HDAC9: variants seen among roughly 807,000 people sequenced by gnomAD.
HDAC9 encodes the protein histone deacetylase 9, also known as MEF-2 interacting transcription repressor (MITR) protein.
In HDAC9, 41 loss-of-function variants were observed where a neutral mutation model predicts 139.4. The ratio of observed to expected loss-of-function variants is 0.29; its 90% CI spans 0.23 to 0.38. The LOEUF (loss-of-function observed/expected upper bound fraction) is 0.38. HDAC9 is among the 10% of genes least tolerant of loss of function. The pLI is 1.00. For synonymous variants in HDAC9, 517 were observed against 476.2 expected (o/e 1.09, Z -1.12); for missense variants, 1,147 against 1,297.0 (o/e 0.88, Z 1.78).
chr7:18,862,039 A>G (rs188686212), intron 21 of HDAC9, among the ~76,000 whole-genome samples: 2 of 152,324 alleles, frequency 1.3e-5, no homozygotes, highest in Admixed American at 6.5e-5. Context: ...TAGAGCTCCA[A>G]TCTCTTTAGA....
chr7:18,090,333 C>G (rs1455503690), intron 1 of HDAC9, among the ~76,000 whole-genome samples: 1 of 152,130 alleles, frequency 6.6e-6, no homozygotes, highest in African/African-American at 2.4e-5. Flanking sequence ...ATGTGCAGAT[C>G]AGATTTTAAA....
At chr7:18,223,824 A>AAGGG (rs997145909) in intron 2 of HDAC9, among the ~76,000 whole-genome samples, 68 of 152,214 alleles carry the variant, frequency 4.5e-4, no homozygotes, top group African/African-American at 1.5e-3. Flanking sequence ...TTTTATATCT[A>AAGGG]AGGGAAAGTC....
chr7:18,910,338 T>A (rs1308787637), intron 22 of HDAC9, among the ~76,000 whole-genome samples: 8 of 152,044 alleles, frequency 5.3e-5, no homozygotes, highest in Non-Finnish European at 1.0e-4. Context: ...CTTTCTTGAT[T>A]TCTTTTTCAG....
At chr7:18,092,414 A>ATTTTT (rs1562609736) in intron 1 of HDAC9, among the ~76,000 whole-genome samples, 1 of 147,756 alleles carries the variant, frequency 6.8e-6, no homozygotes, top group South Asian at 2.1e-4. Flanking sequence ...TTTTTTTTTA[A>ATTTTT]AAAAAAGAAC....
chr7:18,741,462 C>T (rs912975666), intron 13 of HDAC9, among the ~76,000 whole-genome samples: 56 of 152,110 alleles, frequency 3.7e-4, no homozygotes, highest in African/African-American at 1.2e-3. Flanking sequence ...GGATTTTAAG[C>T]TCAATTTTTA....
At chr7:18,758,065 G>A (rs1219169404) in intron 14 of HDAC9, among the ~76,000 whole-genome samples, 5 of 152,076 alleles carry the variant, frequency 3.3e-5, no homozygotes, top group African/African-American at 1.2e-4. Context: ...ACGTCACAGG[G>A]AACGATAAGG....
At chr7:18,284,362 C>T (rs1797300548) in intron 2 of HDAC9, among the ~76,000 whole-genome samples, 1 of 152,120 alleles carries the variant, frequency 6.6e-6, no homozygotes, top group Non-Finnish European at 1.5e-5. Flanking sequence ...ACTTCTGTTT[C>T]ACAGGTTCAG....
intron 2 of HDAC9, among the ~76,000 whole-genome samples, chr7:18,536,613 A>G (rs1810999874): frequency 6.6e-6 from 1 of 152,192 alleles, no homozygotes; most frequent in Admixed American, 6.5e-5. Flanking sequence ...TAGCTAATAC[A>G]TTATGGTTCC....
intron 21 of HDAC9, among the ~76,000 whole-genome samples, chr7:18,855,148 C>G (rs1335150746): frequency 2.6e-5 from 4 of 152,206 alleles, no homozygotes; most frequent in African/African-American, 7.2e-5. Flanking sequence ...AGTAATAGGA[C>G]ATGTCTCTAT....
intron 2 of HDAC9, among the ~76,000 whole-genome samples, chr7:18,545,633 T>C (rs1443032971): frequency 6.6e-6 from 1 of 152,224 alleles, no homozygotes; most frequent in Non-Finnish European, 1.5e-5. Context: ...TAGTACTTTA[T>C]ATCTGCAGCA....
chr7:18,764,678 G>T (rs1378221309), intron 15 of HDAC9, among the ~76,000 whole-genome samples: 1 of 152,044 alleles, frequency 6.6e-6, no homozygotes, highest in African/African-American at 2.4e-5. Flanking sequence ...GCTGCCATAT[G>T]TGAATGTATA....
chr7:18,663,315 A>G (rs1010695904), intron 11 of HDAC9, among the ~76,000 whole-genome samples: 1 of 152,088 alleles, frequency 6.6e-6, no homozygotes. Flanking sequence ...TGTTGTGGCC[A>G]GGGATTAGGA....
chr7:18,827,664 C>T (rs1795556546), intron 17 of HDAC9, among the ~76,000 whole-genome samples: 2 of 152,074 alleles, frequency 1.3e-5, no homozygotes, highest in East Asian at 3.8e-4. Flanking sequence ...ACCTTTAACC[C>T]ATTAAACATA....
At chr7:18,915,331 T>A (rs1034203037) in intron 22 of HDAC9, among the ~76,000 whole-genome samples, 2 of 152,054 alleles carry the variant, frequency 1.3e-5, no homozygotes, top group Admixed American at 1.3e-4. Flanking sequence ...TATATTGCTA[T>A]GGCTTTTATC....
chr7:18,760,968 C>T (rs1390576648), intron 14 of HDAC9, among the ~76,000 whole-genome samples: 4 of 152,190 alleles, frequency 2.6e-5, no homozygotes, highest in Non-Finnish European at 4.4e-5. Flanking sequence ...CTGATGTTTC[C>T]GGGTTACCTG....
chr7:18,939,137 TTGG>T (rs1781853966), intron 23 of HDAC9, among the ~76,000 whole-genome samples: 1 of 152,214 alleles, frequency 6.6e-6, no homozygotes, highest in South Asian at 2.1e-4. Flanking sequence ...TCCCTTTTGG[TTGG>T]TGGTCTTCAG....
intron 13 of HDAC9, among the ~76,000 whole-genome samples, chr7:18,731,128 A>G (rs1193709067): frequency 1.3e-5 from 2 of 152,156 alleles, no homozygotes; most frequent in Admixed American, 6.5e-5. Flanking sequence ...AAAACTTAGA[A>G]TTTGGTTGTT....
intron 1 of HDAC9, among the ~76,000 whole-genome samples, chr7:18,105,200 T>G (rs1388287503): frequency 3.8e-5 from 1 of 26,544 alleles, no homozygotes; most frequent in African/African-American, 1.0e-4. Flanking sequence ...TTTCTAGATG[T>G]GGATTTCATC....
At chr7:18,956,917 T>C (rs1366735362) in intron 24 of HDAC9, among the ~76,000 whole-genome samples, 1 of 152,176 alleles carries the variant, frequency 6.6e-6, no homozygotes, top group Non-Finnish European at 1.5e-5. Context: ...GCTCTTGGTG[T>C]TGCTGCCTAA....
Sources: allele counts gnomAD v4.1 joint callset (sites outside exome capture counted in the v4.1 genomes callset), GRCh38; gene constraint gnomAD v4.1.1; transcripts MANE v1.5; gene names NCBI Gene and HGNC (gene_info 2026-07-23, HGNC 2026-07-21).